The following FRMD3 variants were observed in gnomAD, a reference collection of about 807,000 sequenced individuals.
FRMD3 encodes the protein FERM domain containing 3.
Under a neutral mutation model 70.2 loss-of-function variants are expected in FRMD3, and 33 were observed. The ratio of observed to expected loss-of-function variants is 0.47; its 90% CI spans 0.36 to 0.63. FRMD3 has a LOEUF of 0.63. FRMD3 is among the 20% of genes least tolerant of loss of function. The probability of loss-of-function intolerance (pLI) is 0.00; values close to 1 mark genes in which losing one functional copy is unlikely to be tolerated. For missense variants in FRMD3, 632 were observed against 711.4 expected, an observed-to-expected ratio of 0.89 and a Z score of 1.27; for synonymous variants, 279 against 255.9, an observed-to-expected ratio of 1.09 and a Z score of -0.86.
chr9:83,489,781 T>C (rs1019881225), intron 1 of FRMD3, among the ~76,000 whole-genome samples: 1 of 152,222 alleles, frequency 6.6e-6, no homozygotes, highest in African/African-American at 2.4e-5. Context: ...TCACGTTTAA[T>C]AGCTGTTATT....
At chr9:83,477,152 G>T (rs1358611025) in intron 1 of FRMD3, among the ~76,000 whole-genome samples, 16 of 152,186 alleles carry the variant, frequency 1.1e-4, no homozygotes, top group Admixed American at 3.3e-4. Flanking sequence ...CAATTATCAG[G>T]CTGGACCTAC....
At chr9:83,475,791 C>CTCTCTGG (rs1828382417) in intron 1 of FRMD3, among the ~76,000 whole-genome samples, 1 of 152,202 alleles carries the variant, frequency 6.6e-6, no homozygotes, top group African/African-American at 2.4e-5. Context: ...CTATCACGCA[C>CTCTCTGG]TCTCTGGACA....
At chr9:83,298,720 C>G in intron 12 of FRMD3, 28 bp downstream of exon 12, 1 of 1,604,326 alleles carries the variant, frequency 6.2e-7, no homozygotes. Context: ...TTAAAGCCAC[C>G]TGGAACCCAC....
intron 4 of FRMD3, among the ~76,000 whole-genome samples, chr9:83,343,691 G>A (rs956522877): frequency 3.9e-5 from 6 of 152,206 alleles, no homozygotes; most frequent in African/African-American, 1.2e-4. Context: ...GCCAGGAAAC[G>A]GACTCAATCC....
chr9:83,349,542 C>T (rs1587754997), intron 4 of FRMD3, 137 bp downstream of exon 4: 1 of 583,870 alleles, frequency 1.7e-6, no homozygotes, highest in Non-Finnish European at 3.0e-6. Flanking sequence ...AGAAGCATTC[C>T]AAGCAAAAAC....
At chr9:83,565,715 C>T in the FRMD3 span, among the ~76,000 whole-genome samples, 1 of 152,170 alleles carries the variant, frequency 6.6e-6, no homozygotes, top group East Asian at 1.9e-4. Context: ...ATGATAATTA[C>T]TTATGTGTTG....
At chr9:83,427,443 G>A (rs74920329) in intron 1 of FRMD3, among the ~76,000 whole-genome samples, 6,439 of 152,266 alleles carry the variant, frequency 0.042, 195 homozygotes, top group East Asian at 0.16. Flanking sequence ...CTCGGTACCT[G>A]ACCTAGAAAG....
chr9:83,478,629 C>T lies in FRMD3; in HGVS notation c.147+59456G>A, dbSNP rs116681617. ...ATTAAACACAGAATTACCATAGGAT[C>T]CAGCAATCCCACTTCAGGGTATATG... On this transcript the variant is annotated intron_variant, in intron 1 of 13. Coordinates refer to ENST00000304195, the MANE Select transcript of FRMD3 (RefSeq NM_174938.6). 4.8e-3 allele frequency among the ~76,000 whole-genome samples: 731 copies of T among 152,236 alleles called. 7 individuals are homozygous for T. Among genetic ancestry groups the T allele is most frequent in the African/African-American group, 0.017 (697 of 41,524 alleles).
chr9:83,518,940 T>C (rs1277260971), intron 1 of FRMD3, among the ~76,000 whole-genome samples: 6 of 152,248 alleles, frequency 3.9e-5, no homozygotes, highest in Admixed American at 2.6e-4. Context: ...GCTAGCCATA[T>C]GCAGAAACCT....
chr9:83,573,491 C>T, the FRMD3 span, among the ~76,000 whole-genome samples: 1 of 152,008 alleles, frequency 6.6e-6, no homozygotes, highest in Non-Finnish European at 1.5e-5. Context: ...AAGCAGGACA[C>T]CTGATTGTAA....
chr9:83,377,063 C>T (rs150310741), intron 2 of FRMD3, among the ~76,000 whole-genome samples: 1 of 152,274 alleles, frequency 6.6e-6, no homozygotes, highest in East Asian at 1.9e-4. Flanking sequence ...TTGGATCTAA[C>T]TCTTATTAGA....
chr9:83,491,151 A>T (rs975362574), intron 1 of FRMD3, among the ~76,000 whole-genome samples: 4 of 152,294 alleles, frequency 2.6e-5, no homozygotes, highest in Middle Eastern at 3.4e-3. Context: ...GAACACTTCC[A>T]GAAATGCAAT....
chr9:83,297,194 C>G (rs995123271), intron 12 of FRMD3, among the ~76,000 whole-genome samples: 5 of 152,154 alleles, frequency 3.3e-5, no homozygotes, highest in Non-Finnish European at 5.9e-5. Context: ...AAGTGTCCTG[C>G]TTTGTGTTTG....
chr9:83,538,789 C>T (rs111783107), upstream of FRMD3, among the ~76,000 whole-genome samples: 1 of 152,166 alleles, frequency 6.6e-6, no homozygotes, highest in African/African-American at 2.4e-5. This position sits in a 1 kb window ranked among gnomAD's most constrained non-coding sequence, Gnocchi z 4.7. Flanking sequence ...CTGCTCTGCT[C>T]AGCTCCAGGG....
chr9:83,328,741 C>A (rs1836125432), intron 6 of FRMD3, among the ~76,000 whole-genome samples: 1 of 152,034 alleles, frequency 6.6e-6, no homozygotes, highest in Non-Finnish European at 1.5e-5. Flanking sequence ...ACTACAGTGC[C>A]CCACAAAAGG....
chr9:83,295,389 C>G (rs1168260011), intron 12 of FRMD3, among the ~76,000 whole-genome samples: 7 of 152,128 alleles, frequency 4.6e-5, no homozygotes, highest in Non-Finnish European at 1.0e-4. Flanking sequence ...GAAGTAGTGC[C>G]AGCCTCTAAA....
At chr9:83,465,025 G>GAAAA in intron 1 of FRMD3, among the ~76,000 whole-genome samples, 1 of 119,546 alleles carries the variant, frequency 8.4e-6, no homozygotes, top group Non-Finnish European at 1.7e-5. Flanking sequence ...GTCTCAAAAA[G>GAAAA]AAAAAAAAAA....
intron 6 of FRMD3, among the ~76,000 whole-genome samples, chr9:83,316,462 T>C (rs1835583879): frequency 6.6e-6 from 1 of 152,238 alleles, no homozygotes; most frequent in Non-Finnish European, 1.5e-5. Context: ...TGGCCACCTT[T>C]TTCTTTTAAT....
chr9:83,283,564 T>A (rs1442013578), intron 13 of FRMD3, among the ~76,000 whole-genome samples: 14 of 149,664 alleles, frequency 9.4e-5, no homozygotes, highest in African/African-American at 3.2e-4. Flanking sequence ...ATAATAATAA[T>A]AATAATAATA....
Sources: allele counts gnomAD v4.1 joint callset (sites outside exome capture counted in the v4.1 genomes callset), GRCh38; gene constraint gnomAD v4.1.1; non-coding constraint Gnocchi (gnomAD v3.1); transcripts MANE v1.5; gene names NCBI Gene and HGNC (gene_info 2026-07-23, HGNC 2026-07-21).